Variants in DPF3 observed in about 807,000 individuals in gnomAD.
DPF3 encodes the protein zinc finger protein DPF3.
Under a neutral mutation model 56.8 loss-of-function variants are expected in DPF3, and 18 were observed. That is an observed-to-expected ratio of 0.32 (90% CI 0.22 to 0.47). DPF3 has a LOEUF of 0.47. Among genes scored for constraint, DPF3 ranks in the 20% least tolerant of loss-of-function variants. DPF3 has a pLI of 1.00. For synonymous variants in DPF3, 188 were observed against 180.2 expected, an observed-to-expected ratio of 1.04 and a Z score of -0.35; for missense variants, 403 against 488.8, an observed-to-expected ratio of 0.82 and a Z score of 1.65.
chr14:72,690,438 A>G (rs187110883), intron 7 of DPF3, among the ~76,000 whole-genome samples: 32 of 152,252 alleles, frequency 2.1e-4, no homozygotes, highest in Admixed American at 7.2e-4. Context: ...ACGGACACAT[A>G]TGCACATGTG....
intron 1 of DPF3, among the ~76,000 whole-genome samples, chr14:72,876,660 G>A (rs1351528781): frequency 2.6e-5 from 4 of 152,106 alleles, no homozygotes; most frequent in Admixed American, 1.3e-4. Flanking sequence ...AACGCCTCAC[G>A]TCTTTGTTCA....
At chr14:72,760,122 C>T (rs868726735) in intron 2 of DPF3, among the ~76,000 whole-genome samples, 2 of 152,134 alleles carry the variant, frequency 1.3e-5, no homozygotes, top group African/African-American at 2.4e-5. Flanking sequence ...AATAATTATA[C>T]GAGATGTTTT....
intron 8 of DPF3, among the ~76,000 whole-genome samples, chr14:72,666,482 G>A (rs1886449484): frequency 6.6e-6 from 1 of 152,128 alleles, no homozygotes; most frequent in Non-Finnish European, 1.5e-5. Flanking sequence ...ATAGACTTAG[G>A]AAAGATTATT....
intron 1 of DPF3, among the ~76,000 whole-genome samples, chr14:72,819,491 TC>T (rs1883435006): frequency 6.6e-6 from 1 of 152,036 alleles, no homozygotes. Flanking sequence ...TTTGGAAAAT[TC>T]ATATGATGAA....
intron 8 of DPF3, among the ~76,000 whole-genome samples, chr14:72,648,153 G>A (rs368081232): frequency 1.3e-5 from 2 of 152,138 alleles, no homozygotes; most frequent in African/African-American, 2.4e-5. Context: ...CATTGTCCCC[G>A]TATTTCACTA....
rs565818885 is a variant in DPF3, at chr14:72,676,605, G to A, written c.743-2237C>T. Among the ~76,000 whole-genome samples the A allele has an allele frequency of 1.1e-4, 17 of 152,280 alleles. No homozygotes were observed. The South Asian group carries it at 3.5e-3, about 32-fold the overall frequency. ...CTGAGTAGGATATAATTGAATCATGGGGGCAGGTTTTTCCCTAGCAGCTCT... is the reference window on the plus strand; with the variant it reads ...CTGAGTAGGATATAATTGAATCATGAGGGCAGGTTTTTCCCTAGCAGCTCT... On this transcript the variant is annotated intron_variant, in intron 7 of 10. Coordinates refer to ENST00000556509, the MANE Select transcript of DPF3 (RefSeq NM_001280542.3).
At chr14:72,664,010 C>T (rs1390617495) in intron 8 of DPF3, among the ~76,000 whole-genome samples, 1 of 152,144 alleles carries the variant, frequency 6.6e-6, no homozygotes, top group Non-Finnish European at 1.5e-5. Context: ...CCCCATCCCA[C>T]CCCACTGTCT....
chr14:72,802,885 A>T (rs1438376545), intron 1 of DPF3, among the ~76,000 whole-genome samples: 1 of 152,072 alleles, frequency 6.6e-6, no homozygotes, highest in Non-Finnish European at 1.5e-5. Context: ...ATGGGCAGCT[A>T]TCACGCCACC....
chr14:72,656,970 T>C (rs888514184), intron 8 of DPF3, among the ~76,000 whole-genome samples: 1 of 152,202 alleles, frequency 6.6e-6, no homozygotes, highest in African/African-American at 2.4e-5. Context: ...AAGGTTTCAA[T>C]TCAGTAGTAG....
chr14:72,867,911 T>A (rs1005916892), intron 1 of DPF3, among the ~76,000 whole-genome samples: 1 of 152,044 alleles, frequency 6.6e-6, no homozygotes, highest in Non-Finnish European at 1.5e-5. Flanking sequence ...GCTATTTTTT[T>A]GTATTTTTTT....
At chr14:72,776,448 G>C (rs922180647) in intron 1 of DPF3, among the ~76,000 whole-genome samples, 1 of 152,104 alleles carries the variant, frequency 6.6e-6, no homozygotes, top group Non-Finnish European at 1.5e-5. Flanking sequence ...CCAGCTCTGA[G>C]AGCTGAGTGT....
rs553735712 is a variant in DPF3, at chr14:72,803,008, CCG to C, written c.33-31117_33-31116del. Among the ~76,000 whole-genome samples the C allele has an allele frequency of 5.3e-5, 8 of 152,340 alleles. No homozygotes were observed. The East Asian group carries it at 1.5e-3, about 29-fold the overall frequency. On this transcript the variant is annotated intron_variant, in intron 1 of 10. Coordinates refer to ENST00000556509, the MANE Select transcript of DPF3 (RefSeq NM_001280542.3). ...CACCTGTGCCCACCTCTCCACCTAC[CCG>C]CCCCTTGTCACATTGACAGATAAAA...
At chr14:72,714,221 T>C (rs1383824604) in intron 6 of DPF3, among the ~76,000 whole-genome samples, 1 of 152,196 alleles carries the variant, frequency 6.6e-6, no homozygotes, top group Non-Finnish European at 1.5e-5. Flanking sequence ...GCTTCCCCTC[T>C]GCAGAAACCC....
rs1421877938 is a variant in DPF3 at position 72,615,397 on chromosome 14, C to T, written c.*3900G>A. Among the ~76,000 whole-genome samples the T allele has an allele frequency of 6.6e-6, 1 of 152,228 alleles. No individual in the cohort carries two copies. The highest frequency in any genetic ancestry group is 1.5e-5 in the Non-Finnish European group (1 of 68,028). Reference sequence around the variant, plus strand: ...CGAAAGGAAAAGTAATAACAATCATCTCATTTTTCTTCCTTAAAACATCAA... The same window carrying T: ...CGAAAGGAAAAGTAATAACAATCATTTCATTTTTCTTCCTTAAAACATCAA... On this transcript the variant is annotated 3_prime_UTR_variant, in exon 11 of 11. Coordinates refer to ENST00000556509, the MANE Select transcript of DPF3 (RefSeq NM_001280542.3).
chr14:72,679,929 C>T (rs933545469), intron 7 of DPF3, among the ~76,000 whole-genome samples: 5 of 152,206 alleles, frequency 3.3e-5, no homozygotes, highest in Non-Finnish European at 5.9e-5. Context: ...GGGTGGACCC[C>T]GACGTGCCTT....
intron 7 of DPF3, among the ~76,000 whole-genome samples, chr14:72,677,420 T>A (rs1297834431): frequency 6.6e-6 from 1 of 152,174 alleles, no homozygotes; most frequent in African/African-American, 2.4e-5. Context: ...CCCATGGAGC[T>A]CTCCCAAACT....
chr14:72,751,834 A>G (rs1242083124), intron 3 of DPF3, among the ~76,000 whole-genome samples: 1 of 152,106 alleles, frequency 6.6e-6, no homozygotes, highest in Non-Finnish European at 1.5e-5. Context: ...CTATTGCATC[A>G]TGCTGTCTAG....
intron 1 of DPF3, among the ~76,000 whole-genome samples, chr14:72,853,768 T>C (rs949410211): frequency 6.6e-6 from 1 of 152,146 alleles, no homozygotes; most frequent in Admixed American, 6.5e-5. Context: ...CCCGGCCTGC[T>C]ACCTTTTTTA....
chr14:72,814,325 C>T (rs182040985), intron 1 of DPF3, among the ~76,000 whole-genome samples: 7 of 151,820 alleles, frequency 4.6e-5, no homozygotes, highest in African/African-American at 1.5e-4. Context: ...CTGCCTTCAT[C>T]ATACTTGGGG....
Sources: allele counts gnomAD v4.1 joint callset (sites outside exome capture counted in the v4.1 genomes callset), GRCh38; gene constraint gnomAD v4.1.1; transcripts MANE v1.5; gene names NCBI Gene and HGNC (gene_info 2026-07-23, HGNC 2026-07-21).